RBFOX1: variants seen among roughly 807,000 people sequenced by gnomAD.
RBFOX1 encodes the protein RNA binding fox-1 homolog 1, also known as RNA binding protein fox-1 homolog 1.
A neutral mutation model predicts 57.7 loss-of-function variants in RBFOX1; 8 were observed. That is an observed-to-expected ratio of 0.14 (90% CI 0.08 to 0.25). The LOEUF (loss-of-function observed/expected upper bound fraction) is 0.25. Among genes scored for constraint, RBFOX1 ranks in the 10% least tolerant of loss-of-function variants. The pLI, the probability that RBFOX1 is intolerant of heterozygous loss-of-function variation, is 1.00. For synonymous variants in RBFOX1, 326 were observed against 222.4 expected, an observed-to-expected ratio of 1.47 and a Z score of -4.15; for missense variants, 611 against 548.5, an observed-to-expected ratio of 1.11 and a Z score of -1.14.
At chr16:6,086,915 G>A (rs534417725) in intron 1 of RBFOX1, among the ~76,000 whole-genome samples, 1 of 152,278 alleles carries the variant, frequency 6.6e-6, no homozygotes, top group African/African-American at 2.4e-5. Flanking sequence ...CTGCTGTTTA[G>A]AGAAAGACCA....
chr16:6,627,714 T>G (rs1411716678), intron 2 of RBFOX1, among the ~76,000 whole-genome samples: 1 of 152,038 alleles, frequency 6.6e-6, no homozygotes, highest in Non-Finnish European at 1.5e-5. Context: ...AAAAGTGAGG[T>G]GTCAGTCATC....
At chr16:5,300,784 C>A (rs2063783707) in intron 1 of RBFOX1, among the ~76,000 whole-genome samples, 1 of 152,146 alleles carries the variant, frequency 6.6e-6, no homozygotes, top group African/African-American at 2.4e-5. Context: ...TTCACAAAAT[C>A]AATGACAGTT....
At chr16:6,383,645 C>A (rs2092012655) in intron 2 of RBFOX1, among the ~76,000 whole-genome samples, 1 of 152,062 alleles carries the variant, frequency 6.6e-6, no homozygotes, top group South Asian at 2.1e-4. Context: ...TGGTGTGTGC[C>A]TATAATCCTA....
At chr16:6,056,624 G>C (rs2095617943) in intron 1 of RBFOX1, among the ~76,000 whole-genome samples, 1 of 152,158 alleles carries the variant, frequency 6.6e-6, no homozygotes, top group Non-Finnish European at 1.5e-5. Context: ...CTGTTACCAG[G>C]AGAGGAGACT....
exon 3 of RBFOX1, chr16:5,598,986 A>G: frequency 1.1e-5 from 17 of 1,510,626 alleles, no homozygotes; most frequent in Non-Finnish European, 1.5e-5. Flanking sequence ...TTTGCTGAAC[A>G]GATTAGATTT....
intron 1 of RBFOX1, among the ~76,000 whole-genome samples, chr16:6,151,205 C>T (rs1419388822): frequency 4.6e-5 from 7 of 152,180 alleles, no homozygotes; most frequent in African/African-American, 9.6e-5. Context: ...GGGGTGTTCT[C>T]CCAAGTTTGT....
chr16:6,800,095 G>A (rs541425194), intron 3 of RBFOX1, among the ~76,000 whole-genome samples: 32 of 152,124 alleles, frequency 2.1e-4, no homozygotes, highest in Non-Finnish European at 3.5e-4. Context: ...CATGGTGCTG[G>A]TAGGATTGTC....
chr16:6,711,854 A>T (rs1326694849), intron 3 of RBFOX1, among the ~76,000 whole-genome samples: 1 of 152,112 alleles, frequency 6.6e-6, no homozygotes, highest in Non-Finnish European at 1.5e-5. Flanking sequence ...CCTAGGTCTT[A>T]TTCCTACCCA....
chr16:7,263,345 C>G (rs1051752439), intron 4 of RBFOX1, among the ~76,000 whole-genome samples: 1 of 151,928 alleles, frequency 6.6e-6, no homozygotes, highest in African/African-American at 2.4e-5. Context: ...CTGAGAAGCC[C>G]CAGAATTTCG....
intron 3 of RBFOX1, among the ~76,000 whole-genome samples, chr16:6,803,389 C>G (rs1015250651): frequency 6.6e-6 from 1 of 152,154 alleles, no homozygotes; most frequent in South Asian, 2.1e-4. Flanking sequence ...CAGGCACAAT[C>G]TGGAAACCTT....
chr16:6,754,968 T>C (rs2075556274), intron 3 of RBFOX1, among the ~76,000 whole-genome samples: 1 of 152,158 alleles, frequency 6.6e-6, no homozygotes, highest in South Asian at 2.1e-4. Flanking sequence ...GGTTTTTTGT[T>C]CTTGGGATAG....
intron 2 of RBFOX1, among the ~76,000 whole-genome samples, chr16:6,622,527 T>C (rs2098248157): frequency 6.6e-6 from 1 of 152,174 alleles, no homozygotes; most frequent in Non-Finnish European, 1.5e-5. Context: ...CTGCACCGTG[T>C]GATGTTGTCA....
intron 1 of RBFOX1, among the ~76,000 whole-genome samples, chr16:5,464,645 G>T (rs114472497): frequency 6.6e-6 from 1 of 152,264 alleles, no homozygotes; most frequent in African/African-American, 2.4e-5. Flanking sequence ...GCCACGAGAG[G>T]CCTCCTCTGT....
intron 3 of RBFOX1, among the ~76,000 whole-genome samples, chr16:7,048,492 C>G (rs191022226): frequency 7.0e-6 from 1 of 142,254 alleles, no homozygotes; most frequent in Non-Finnish European, 1.5e-5. Context: ...ATCTCCTGAC[C>G]TCATGATCCA....
intron 3 of RBFOX1, among the ~76,000 whole-genome samples, chr16:5,723,159 T>C (rs929497749): frequency 6.6e-6 from 1 of 152,182 alleles, no homozygotes; most frequent in Non-Finnish European, 1.5e-5. Context: ...TTCCTGCTAC[T>C]TGAGTGTATG....
chr16:5,250,757 C>T (rs537451650), intron 1 of RBFOX1, among the ~76,000 whole-genome samples: 2 of 152,330 alleles, frequency 1.3e-5, no homozygotes, highest in African/African-American at 4.8e-5. Flanking sequence ...CACCACGCTT[C>T]GTTTAACCAG....
At chr16:5,814,293 A>G (rs989167550) in intron 3 of RBFOX1, among the ~76,000 whole-genome samples, 1 of 152,206 alleles carries the variant, frequency 6.6e-6, no homozygotes, top group African/African-American at 2.4e-5. Flanking sequence ...AAGAAGTGAC[A>G]AAGGGATTGT....
At chr16:5,987,133 AATACGTTCTTATGTTCTC>A (rs1484184570) in intron 4 of RBFOX1, among the ~76,000 whole-genome samples, 1 of 152,184 alleles carries the variant, frequency 6.6e-6, no homozygotes, top group Non-Finnish European at 1.5e-5. Flanking sequence ...AATGATGTCG[AATACGTTCTTATGTTCTC>A]ATTTACCAAC....
chr16:6,667,192 G>T (rs912575348), intron 3 of RBFOX1, among the ~76,000 whole-genome samples: 1 of 152,072 alleles, frequency 6.6e-6, no homozygotes, highest in African/African-American at 2.4e-5. Context: ...GCCTCTGATG[G>T]GCCGGAAACC....
Sources: allele counts gnomAD v4.1 joint callset (sites outside exome capture counted in the v4.1 genomes callset), GRCh38; gene constraint gnomAD v4.1.1; transcripts MANE v1.5; gene names NCBI Gene and HGNC (gene_info 2026-07-23, HGNC 2026-07-21).